Variants in FAT3 observed in about 807,000 individuals in gnomAD.
FAT3 encodes FAT atypical cadherin 3.
A neutral mutation model predicts 310.2 loss-of-function variants in FAT3; 95 were observed. That is an observed-to-expected ratio of 0.31 (90% CI 0.26 to 0.36). FAT3 has a LOEUF of 0.36. FAT3 is among the 10% of genes least tolerant of loss of function. The pLI is 1.00. For missense variants in FAT3, 5,408 were observed against 5,715.6 expected, an observed-to-expected ratio of 0.95 and a Z score of 1.74; for synonymous variants, 2,314 against 2,192.9, an observed-to-expected ratio of 1.06 and a Z score of -1.54.
intron 3 of FAT3, among the ~76,000 whole-genome samples, chr11:92,671,523 G>T (rs1396841253): frequency 1.3e-5 from 2 of 151,842 alleles, no homozygotes; most frequent in Non-Finnish European, 2.9e-5. Context: ...CCTTCTCCCA[G>T]GACTCACCTT....
intron 3 of FAT3, among the ~76,000 whole-genome samples, chr11:92,668,125 T>C (rs1943015549): frequency 6.6e-6 from 1 of 152,216 alleles, no homozygotes; most frequent in Non-Finnish European, 1.5e-5. Flanking sequence ...TCTTTATGAC[T>C]GGAAGGCAAG....
chr11:92,697,590 T>C, intron 4 of FAT3, 145 bp downstream of exon 4: 3 of 859,806 alleles, frequency 3.5e-6, no homozygotes, highest in Non-Finnish European at 1.8e-6. Flanking sequence ...GTTCTGAATT[T>C]AGGGATTTCT....
intron 4 of FAT3, among the ~76,000 whole-genome samples, chr11:92,747,312 C>T (rs549313062): frequency 6.6e-6 from 1 of 152,368 alleles, no homozygotes; most frequent in Non-Finnish European, 1.5e-5. Flanking sequence ...AAGGCTTGCA[C>T]CCTCTGAAGC....
rs537539242 is a variant in FAT3, at chr11:92,492,755, G to A, written c.3293-31879G>A. Among the ~76,000 whole-genome samples the A allele has an allele frequency of 9.9e-5, 15 of 152,110 alleles. No homozygotes were observed. The East Asian group carries it at 2.1e-3, about 22-fold the overall frequency. ...GCCTGAGCTTTGTGACCTTGGGTAGGTTATTTAACTTCTCTGAGCATCACT... is the reference window on the plus strand; with the variant it reads ...GCCTGAGCTTTGTGACCTTGGGTAGATTATTTAACTTCTCTGAGCATCACT... On this transcript the variant is annotated intron_variant, in intron 2 of 27. Coordinates refer to ENST00000525166, the MANE Select transcript of FAT3 (RefSeq NM_001367949.2).
chr11:92,818,469 T>C (rs190794737), intron 13 of FAT3, among the ~76,000 whole-genome samples: 2 of 151,656 alleles, frequency 1.3e-5, no homozygotes, highest in East Asian at 3.9e-4. Context: ...CTGCCATTTC[T>C]CCCTTTTAGG....
At chr11:92,871,451 C>A (rs4526738) in intron 22 of FAT3, among the ~76,000 whole-genome samples, 126,715 of 152,184 alleles carry the variant, frequency 0.83, 53,078 homozygotes, top group African/African-American at 0.91. Context: ...TCCCTAGGTG[C>A]TATAGTGATT....
At chr11:92,688,036 A>C (rs1591609566) in intron 3 of FAT3, among the ~76,000 whole-genome samples, 1 of 151,964 alleles carries the variant, frequency 6.6e-6, no homozygotes, top group East Asian at 1.9e-4. Context: ...CTACCAAAAA[A>C]AAAAAAAAAT....
chr11:92,736,228 T>A (rs1267052178), intron 4 of FAT3, among the ~76,000 whole-genome samples: 1 of 152,164 alleles, frequency 6.6e-6, no homozygotes, highest in South Asian at 2.1e-4. Context: ...GGAGCTGCCA[T>A]TTGAGAGTCG....
intron 3 of FAT3, among the ~76,000 whole-genome samples, chr11:92,632,424 G>A (rs1443279971): frequency 6.6e-6 from 1 of 152,174 alleles, no homozygotes; most frequent in East Asian, 1.9e-4. Flanking sequence ...AGAGGCAGAC[G>A]GGTTACTGGA....
At chr11:92,613,475 C>T (rs753050702) in intron 3 of FAT3, among the ~76,000 whole-genome samples, 15 of 152,174 alleles carry the variant, frequency 9.9e-5, no homozygotes, top group South Asian at 2.1e-4. Context: ...GTGATTAGAA[C>T]GAAAACTGGT....
chr11:92,879,571 C>T (rs1023993100), intron 22 of FAT3, among the ~76,000 whole-genome samples: 10 of 152,132 alleles, frequency 6.6e-5, no homozygotes, highest in African/African-American at 2.2e-4. Flanking sequence ...AAAATACAAT[C>T]GAGCTTACTA....
Position 92,790,033 on chromosome 11 carries a change from G to C in FAT3, c.4426G>C (p.Asp1476His). The change falls in exon 8 of 28, where the codon GAC becomes CAC. Residue 1476 changes from aspartate to histidine, a missense_variant. By Grantham distance (81) the Asp-to-His change is moderately conservative. Around this residue, in one of 5 missense-constraint regions of FAT3, gnomAD observed 4,588 missense variants for 4,809.8 expected, o/e 0.95. Coordinates refer to ENST00000525166, the MANE Select transcript of FAT3 (RefSeq NM_001367949.2). ...DVTISEDVLP[D>H]TEILQIEATD... ...GACAATTTCCGAGGATGTGCTTCCA[G>C]ACACGGAGATCCTGCAGATTGAAGC... 3 of 1,613,818 alleles carry C rather than the reference G, an allele frequency of 1.9e-6. No individual in the cohort carries two copies. The highest frequency in any genetic ancestry group is 2.5e-6 in the Non-Finnish European group (3 of 1,179,748).
At chr11:92,409,426 A>G (rs1199540777) in intron 2 of FAT3, among the ~76,000 whole-genome samples, 1 of 152,194 alleles carries the variant, frequency 6.6e-6, no homozygotes, top group Non-Finnish European at 1.5e-5. Flanking sequence ...TTCGTTAAAT[A>G]CGCTGCTTGT....
At chr11:92,487,231 G>C (rs947530220) in intron 2 of FAT3, among the ~76,000 whole-genome samples, 4 of 152,142 alleles carry the variant, frequency 2.6e-5, no homozygotes, top group African/African-American at 7.2e-5. Flanking sequence ...TGCCTTCCAA[G>C]AGGGCCATGC....
At chr11:92,338,338 T>TTAGTTTAAGGC (rs992285267) in intron 1 of FAT3, among the ~76,000 whole-genome samples, 64 of 152,308 alleles carry the variant, frequency 4.2e-4, no homozygotes, top group African/African-American at 1.2e-3. Context: ...ATGAGGCTTC[T>TTAGTTTAAGGC]TAGTTTAAGG....
Position 92,716,915 on chromosome 11 carries a change from A to G in FAT3, c.3669+19470A>G, listed in dbSNP as rs180901107. 1.4e-4 allele frequency among the ~76,000 whole-genome samples: 22 copies of G among 152,350 alleles called. No homozygotes were observed. The East Asian group carries it at 3.3e-3, about 23-fold the overall frequency. On this transcript the variant is annotated intron_variant, in intron 4 of 27. Transcript: ENST00000525166. ...CATTGTTGCAGGATGATGTTAAGCC[A>G]TATTGGTGGAAAGAGGCTGGGTGTA...
chr11:92,319,706 TTTGTAGA>T (rs1376767566), intron 1 of FAT3, among the ~76,000 whole-genome samples: 1 of 152,190 alleles, frequency 6.6e-6, no homozygotes, highest in Non-Finnish European at 1.5e-5. Context: ...CTTATACAGT[TTTGTAGA>T]TGCATGTTTA....
At chr11:92,416,333 G>A (rs1351276791) in intron 2 of FAT3, among the ~76,000 whole-genome samples, 2 of 149,474 alleles carry the variant, frequency 1.3e-5, no homozygotes, top group African/African-American at 2.5e-5. Context: ...GCAGTGAGGC[G>A]AGATCGCTCC....
chr11:92,871,154 C>CA (rs1238865340), intron 22 of FAT3, among the ~76,000 whole-genome samples: 1 of 151,948 alleles, frequency 6.6e-6, no homozygotes, highest in Non-Finnish European at 1.5e-5. Context: ...TTTCTCTAAA[C>CA]AAAAAACAAA....
Sources: allele counts gnomAD v4.1 joint callset (sites outside exome capture counted in the v4.1 genomes callset), GRCh38; gene constraint gnomAD v4.1.1; regional missense constraint gnomAD v4.1.1; transcripts MANE v1.5; gene names NCBI Gene and HGNC (gene_info 2026-07-23, HGNC 2026-07-21).